ZBTB8A: variants seen among roughly 807,000 people sequenced by gnomAD.
The protein encoded by ZBTB8A is zinc finger and BTB domain-containing protein 8A.
ZBTB8A carries 19 observed loss-of-function variants against 37.8 expected under a neutral mutation model. That is an observed-to-expected ratio of 0.50 (90% CI 0.35 to 0.74). ZBTB8A has a LOEUF of 0.74. Among genes scored for constraint, ZBTB8A ranks in the 30% least tolerant of loss-of-function variants. The pLI, the probability that ZBTB8A is intolerant of heterozygous loss-of-function variation, is 0.01. For missense variants in ZBTB8A, 394 were observed against 537.8 expected, an observed-to-expected ratio of 0.73 and a Z score of 2.65; for synonymous variants, 181 against 185.2, an observed-to-expected ratio of 0.98 and a Z score of 0.19.
intron 2 of ZBTB8A, among the ~76,000 whole-genome samples, chr1:32,582,066 A>T (rs1644411184): frequency 6.6e-6 from 1 of 152,126 alleles, no homozygotes; most frequent in African/African-American, 2.4e-5. Flanking sequence ...TGTAGTCATG[A>T]CCCAACTACC....
rs563462406 is a variant in ZBTB8A at position 32,555,659 on chromosome 1, C to G, written c.-2+2119C>G. ...CCTCTCAGCCCATGCTTCCTCTGAG[C>G]CCCTTCATTTCTGCTAACAGCCTAA... is the stretch of plus-strand genomic sequence containing the variant. On this transcript the variant is annotated intron_variant, in intron 2 of 4. Coordinates refer to ENST00000373510, the MANE Select transcript of ZBTB8A (RefSeq NM_001040441.3). Among the ~76,000 whole-genome samples the G allele has an allele frequency of 2.4e-4, 36 of 152,276 alleles. 1 individual carries two copies. Among genetic ancestry groups the G allele is most frequent in the African/African-American group, 8.7e-4 (36 of 41,562 alleles).
intron 2 of ZBTB8A, among the ~76,000 whole-genome samples, chr1:32,569,411 TGAGACA>T (rs1222094881): frequency 7.3e-6 from 1 of 136,944 alleles, no homozygotes; most frequent in Non-Finnish European, 1.6e-5. Context: ...TTTTTTTTTT[TGAGACA>T]GAGTCTTGCT....
In ZBTB8A at chr1:32,600,183, CTG is replaced by C. The variant is rs1644564883; in HGVS notation, c.1094_1095del (p.Cys365Ter). On this transcript the variant is annotated frameshift_variant, in exon 5 of 5. Coordinates refer to ENST00000373510, the MANE Select transcript of ZBTB8A (RefSeq NM_001040441.3). LOFTEE classifies it high-confidence loss of function. The part of the protein sequence containing the change: ...VVQEGTRRYR[L>X]CNECLAEFGI... ...ACAGGAGGGAACCAGGCGCTACAGA[CTG>C]TGTAATGAGTGTCTTGCAGAATTTG... 1 of 1,614,096 alleles carries C rather than the reference CTG, an allele frequency of 6.2e-7. No individual in the cohort carries two copies. Among genetic ancestry groups the C allele is most frequent in the African/African-American group, 1.3e-5 (1 of 74,922 alleles).
intron 3 of ZBTB8A, 22 bp downstream of exon 3, chr1:32,593,776 C>G (rs760869938): frequency 6.3e-7 from 1 of 1,575,874 alleles, no homozygotes; most frequent in Non-Finnish European, 8.6e-7. Context: ...GAGCATAAGT[C>G]CCCTCATCCA....
At chr1:32,568,805 G>A (rs1201415878) in intron 2 of ZBTB8A, among the ~76,000 whole-genome samples, 2 of 152,160 alleles carry the variant, frequency 1.3e-5, no homozygotes, top group African/African-American at 4.8e-5. Context: ...TGTATCAGAA[G>A]TTTGTTGGCT....
At chr1:32,551,139 T>C (rs375382720) in intron 1 of ZBTB8A, among the ~76,000 whole-genome samples, 1 of 152,080 alleles carries the variant, frequency 6.6e-6, no homozygotes, top group South Asian at 2.1e-4. Context: ...TGGCAACGGG[T>C]TGTTCTCAAA....
chr1:32,597,533 A>G (rs193301237), intron 4 of ZBTB8A, among the ~76,000 whole-genome samples: 1 of 152,286 alleles, frequency 6.6e-6, no homozygotes, highest in Admixed American at 6.5e-5. Context: ...TTTCCCTACC[A>G]CAGAGCTGGA....
At chr1:32,548,324 TTTTTTGTTTTTG>T (rs996051014) in intron 1 of ZBTB8A, among the ~76,000 whole-genome samples, 4 of 151,644 alleles carry the variant, frequency 2.6e-5, no homozygotes, top group African/African-American at 9.7e-5. Context: ...TGTATCCACA[TTTTTTGTTTTTG>T]TTTTTGTTTT....
intron 2 of ZBTB8A, among the ~76,000 whole-genome samples, chr1:32,577,708 A>C (rs1479637559): frequency 1.4e-5 from 2 of 147,884 alleles, no homozygotes; most frequent in African/African-American, 5.0e-5. Context: ...TAGCCTCCCG[A>C]GTAACTGGGA....
At chr1:32,544,268 C>G (rs1644083412) in intron 1 of ZBTB8A, among the ~76,000 whole-genome samples, 1 of 152,254 alleles carries the variant, frequency 6.6e-6, no homozygotes, top group Admixed American at 6.5e-5. Flanking sequence ...TGTACTTACA[C>G]AAACCTGGCT....
At position 32,601,314 on chromosome 1, in the gene ZBTB8A, A is replaced by T. The variant is rs1644573999; in HGVS notation, c.*895A>T. 2 of 192,346 alleles carry T rather than the reference A, an allele frequency of 1.0e-5. No homozygotes were observed. The highest frequency in any genetic ancestry group is 2.1e-5 in the Non-Finnish European group (2 of 94,924). 11.9% of individuals were successfully genotyped at this position (192,346 alleles called of 1,614,324 possible). ...CATGGTGAAACCTCGTCTCTACTAA[A>T]AAATACAAAATTAGCCGGGCATGGT... On this transcript the variant is annotated 3_prime_UTR_variant, in exon 5 of 5. Transcript: ENST00000373510.
At chr1:32,564,163 C>A (rs1159247592) in intron 2 of ZBTB8A, among the ~76,000 whole-genome samples, 2 of 152,206 alleles carry the variant, frequency 1.3e-5, no homozygotes, top group East Asian at 3.9e-4. Context: ...GGCTTCTTTA[C>A]CCTAGGGTCT....
intron 2 of ZBTB8A, among the ~76,000 whole-genome samples, chr1:32,590,339 G>T (rs1644478824): frequency 6.6e-6 from 1 of 151,950 alleles, no homozygotes; most frequent in African/African-American, 2.4e-5. Context: ...CTCACCTAAG[G>T]CCTTTTTTTT....
At chr1:32,573,070 C>CTTTTTT in intron 2 of ZBTB8A, among the ~76,000 whole-genome samples, 1 of 115,746 alleles carries the variant, frequency 8.6e-6, no homozygotes, top group Non-Finnish European at 1.8e-5. Flanking sequence ...TCTCTAGATT[C>CTTTTTT]TTTTTTTTTT....
chr1:32,568,536 G>A (rs1276617947), intron 2 of ZBTB8A, among the ~76,000 whole-genome samples: 2 of 152,048 alleles, frequency 1.3e-5, no homozygotes, highest in African/African-American at 4.8e-5. Flanking sequence ...GCAGGCGCCC[G>A]CCACTACGCC....
At chr1:32,595,382 C>T (rs914023736) in intron 4 of ZBTB8A, among the ~76,000 whole-genome samples, 159 bp downstream of exon 4, 1 of 152,092 alleles carries the variant, frequency 6.6e-6, no homozygotes, top group African/African-American at 2.4e-5. Flanking sequence ...ATTCTCCTGC[C>T]TCAGCCTCCC....
intron 3 of ZBTB8A, among the ~76,000 whole-genome samples, 189 bp downstream of exon 3, chr1:32,593,943 G>A (rs568437085): frequency 6.6e-6 from 1 of 152,266 alleles, no homozygotes; most frequent in East Asian, 1.9e-4. Context: ...TGTGATTCCA[G>A]CAGTTTGGGA....
intron 2 of ZBTB8A, among the ~76,000 whole-genome samples, chr1:32,591,143 A>T (rs1570366206): frequency 6.6e-6 from 1 of 150,378 alleles, no homozygotes; most frequent in East Asian, 2.0e-4. Context: ...TCCTAACCTC[A>T]AGTGATCTGC....
In ZBTB8A at chr1:32,593,744, A is replaced by G. The variant is rs1240384409; in HGVS notation, c.813A>G (p.Lys271=). Reference sequence around the variant, plus strand: ...GTCAAGGATCTGATGTCACATCCAAAAGCTTTCCAGGTACCCAAAAAGAGC... The same window carrying G: ...GTCAAGGATCTGATGTCACATCCAAGAGCTTTCCAGGTACCCAAAAAGAGC... The part of the protein sequence containing the change: ...QYGQGSDVTS[K]SFPDDLPRMR... The change falls in exon 3 of 5, where the codon AAA becomes AAG. Residue 271 remains lysine (K), a synonymous_variant. Coordinates refer to ENST00000373510, the MANE Select transcript of ZBTB8A (RefSeq NM_001040441.3). 3.1e-6 allele frequency: 5 copies of G among 1,608,328 alleles called. No homozygotes were observed. The highest frequency in any genetic ancestry group is 1.1e-5 in the South Asian group (1 of 90,062).
Sources: gnomAD v4.1 joint callset for allele counts (sites outside exome capture counted in the v4.1 genomes callset) on GRCh38, gnomAD v4.1.1 for gene constraint, MANE v1.5 for transcripts, NCBI Gene and HGNC (gene_info 2026-07-23, HGNC 2026-07-21) for gene names.